Variants in FGF14 observed in about 807,000 individuals in gnomAD.
FGF14 encodes the protein fibroblast growth factor 14.
Under a neutral mutation model 25.5 loss-of-function variants are expected in FGF14, and 5 were observed. The observed-to-expected ratio is 0.20, with a 90% CI of 0.10 to 0.41. FGF14 has a LOEUF of 0.41. FGF14 is among the 10% of genes least tolerant of loss of function. FGF14 has a pLI of 1.00. For missense variants in FGF14, 222 were observed against 320.1 expected (o/e 0.69, Z 2.34); for synonymous variants, 138 against 118.3 (o/e 1.17, Z -1.08).
At chr13:101,829,181 A>G (rs947778697) in intron 3 of FGF14, among the ~76,000 whole-genome samples, 3 of 152,116 alleles carry the variant, frequency 2.0e-5, no homozygotes, top group Non-Finnish European at 4.4e-5. Flanking sequence ...AAGCATACAT[A>G]AAGTTGGGAA....
At chr13:102,074,777 T>C (rs1340372752) in intron 1 of FGF14, among the ~76,000 whole-genome samples, 1 of 152,088 alleles carries the variant, frequency 6.6e-6, no homozygotes, top group Admixed American at 6.5e-5. Flanking sequence ...TGAACATAGT[T>C]CAACATAAAA....
chr13:101,811,148 T>C (rs1294823944), intron 3 of FGF14, among the ~76,000 whole-genome samples: 21 of 151,634 alleles, frequency 1.4e-4, no homozygotes, highest in Admixed American at 1.4e-3. Flanking sequence ...ACATTAGGGT[T>C]CACTCTTGGT....
intron 1 of FGF14, among the ~76,000 whole-genome samples, chr13:102,192,401 T>C (rs967444833): frequency 1.3e-5 from 2 of 152,220 alleles, no homozygotes; most frequent in African/African-American, 4.8e-5. Context: ...CCACGATCTC[T>C]TTATCAAATA....
chr13:101,751,292 G>A (rs1175103239), intron 3 of FGF14, among the ~76,000 whole-genome samples: 1 of 152,104 alleles, frequency 6.6e-6, no homozygotes, highest in Non-Finnish European at 1.5e-5. Context: ...GGTGGAGGGA[G>A]GGATGGGAGC....
chr13:102,215,319 TA>T (rs1178951814), intron 1 of FGF14, among the ~76,000 whole-genome samples: 1 of 152,226 alleles, frequency 6.6e-6, no homozygotes, highest in African/African-American at 2.4e-5. Context: ...ACTGATAACA[TA>T]ACACATGTAC....
At chr13:101,948,487 A>G (rs1566480085) in intron 1 of FGF14, among the ~76,000 whole-genome samples, 2 of 149,994 alleles carry the variant, frequency 1.3e-5, no homozygotes, top group African/African-American at 4.9e-5. Flanking sequence ...ATATATATAT[A>G]TAAAGAAACA....
chr13:102,401,526 C>G, exon 1 of FGF14: 1 of 1,614,164 alleles, frequency 6.2e-7, no homozygotes, highest in Middle Eastern at 1.6e-4. Flanking sequence ...GCAGCATATG[C>G]GTTCCTTTGC....
intron 1 of FGF14, among the ~76,000 whole-genome samples, chr13:102,136,890 T>C (rs1238110953): frequency 2.0e-5 from 3 of 152,210 alleles, no homozygotes; most frequent in African/African-American, 2.4e-5. Flanking sequence ...CTCTCTCCCA[T>C]ACTTGGCTAA....
intron 3 of FGF14, among the ~76,000 whole-genome samples, chr13:101,785,988 C>T (rs2039800906): frequency 6.6e-6 from 1 of 152,200 alleles, no homozygotes; most frequent in African/African-American, 2.4e-5. Context: ...GAAGACCCTT[C>T]TCTGCCATCT....
chr13:102,219,868 T>A (rs1279392750), intron 1 of FGF14, among the ~76,000 whole-genome samples: 1 of 152,196 alleles, frequency 6.6e-6, no homozygotes, highest in Non-Finnish European at 1.5e-5. Flanking sequence ...AGTGCGGTTA[T>A]GGTTGAATTT....
chr13:102,222,228 C>G (rs1405827874), intron 1 of FGF14, among the ~76,000 whole-genome samples: 1 of 152,150 alleles, frequency 6.6e-6, no homozygotes, highest in Non-Finnish European at 1.5e-5. Flanking sequence ...TTTGTTTACA[C>G]TGTTATTATA....
At chr13:102,197,477 A>G (rs2049414519) in intron 1 of FGF14, among the ~76,000 whole-genome samples, 1 of 152,090 alleles carries the variant, frequency 6.6e-6, no homozygotes, top group Non-Finnish European at 1.5e-5. Context: ...CTTTACCTAA[A>G]AAAGGAGGAA....
At chr13:102,250,633 T>C (rs1233558504) in intron 1 of FGF14, among the ~76,000 whole-genome samples, 1 of 152,176 alleles carries the variant, frequency 6.6e-6, no homozygotes, top group Non-Finnish European at 1.5e-5. Flanking sequence ...TGAGAAATCC[T>C]GCAATAAAGA....
chr13:102,129,886 T>G (rs1224980771), intron 1 of FGF14, among the ~76,000 whole-genome samples: 1 of 152,140 alleles, frequency 6.6e-6, no homozygotes, highest in African/African-American at 2.4e-5. Context: ...CCATTGCAGA[T>G]CTATTCTATT....
intron 1 of FGF14, among the ~76,000 whole-genome samples, chr13:102,135,937 TGA>T (rs752620461): frequency 3.9e-5 from 6 of 152,178 alleles, no homozygotes. Context: ...ATTATAGACA[TGA>T]GCCACCACGC....
At chr13:101,858,038 T>G (rs1353778582) in intron 3 of FGF14, among the ~76,000 whole-genome samples, 1 of 152,014 alleles carries the variant, frequency 6.6e-6, no homozygotes, top group Non-Finnish European at 1.5e-5. Context: ...CATATTTTTG[T>G]GAATTTCTAA....
chr13:102,040,928 G>C (rs1474741583), intron 1 of FGF14, among the ~76,000 whole-genome samples: 3 of 151,906 alleles, frequency 2.0e-5, no homozygotes, highest in African/African-American at 4.8e-5. Flanking sequence ...TCTTATTCTT[G>C]GTAGTAAAAA....
chr13:102,214,980 A>G (rs895961889), intron 1 of FGF14, among the ~76,000 whole-genome samples: 2 of 152,138 alleles, frequency 1.3e-5, no homozygotes, highest in Non-Finnish European at 2.9e-5. Context: ...TGAAAGAACA[A>G]CTCACCTATG....
chr13:102,320,438 G>A (rs997085480), intron 1 of FGF14, among the ~76,000 whole-genome samples: 1 of 152,164 alleles, frequency 6.6e-6, no homozygotes, highest in Non-Finnish European at 1.5e-5. Flanking sequence ...TGCTGCACTG[G>A]AGTTGCCATA....
Sources: allele counts gnomAD v4.1 joint callset (sites outside exome capture counted in the v4.1 genomes callset), GRCh38; gene constraint gnomAD v4.1.1; transcripts MANE v1.5; gene names NCBI Gene and HGNC (gene_info 2026-07-23, HGNC 2026-07-21).